Variants in AGBL1 observed in about 807,000 individuals in gnomAD.
The protein encoded by AGBL1 is AGBL carboxypeptidase 1.
AGBL1 carries 130 observed loss-of-function variants against 118.9 expected under a neutral mutation model. That is an observed-to-expected ratio of 1.09 (90% CI 0.95 to 1.26). AGBL1 has a LOEUF of 1.26. AGBL1 is among the 50% of genes most tolerant of loss of function. The pLI is 0.00. For missense variants in AGBL1, 1,584 were observed against 1,298.1 expected, an observed-to-expected ratio of 1.22 and a Z score of -3.38; for synonymous variants, 555 against 478.9, an observed-to-expected ratio of 1.16 and a Z score of -2.08.
In AGBL1 at chr15:86,301,753, G is replaced by A. The variant is rs571144655; in HGVS notation, c.2374+6345G>A. ...TAACAGGGGTGAAACTAAGTTCAGC[G>A]GAAGCACAGAGAAGAGAGGATGTAT... On this transcript the variant is annotated intron_variant, in intron 17 of 22. Coordinates refer to ENST00000614907, the MANE Select transcript of AGBL1 (RefSeq NM_001386094.1). Among the ~76,000 whole-genome samples the A allele has an allele frequency of 1.5e-4, 23 of 150,574 alleles. No homozygotes were observed. In the South Asian group the frequency reaches 3.0e-3, roughly 19 times the overall value.
intron 1 of AGBL1, among the ~76,000 whole-genome samples, chr15:86,089,143 A>G (rs1413696291): frequency 6.6e-6 from 1 of 152,238 alleles, no homozygotes; most frequent in African/African-American, 2.4e-5. Context: ...GATCCATGGA[A>G]CACATTTGGC....
At chr15:86,559,788 C>T (rs1454369258) in intron 21 of AGBL1, among the ~76,000 whole-genome samples, 1 of 151,942 alleles carries the variant, frequency 6.6e-6, no homozygotes, top group East Asian at 1.9e-4. Flanking sequence ...GGATTTGAAG[C>T]CAGACAGATA....
intron 5 of AGBL1, among the ~76,000 whole-genome samples, chr15:86,219,197 G>A (rs1420732931): frequency 2.6e-5 from 4 of 152,092 alleles, no homozygotes; most frequent in Admixed American, 2.6e-4. Context: ...CTCACTGCCT[G>A]CAAACACATA....
At chr15:86,174,118 C>A (rs2077451256) in intron 5 of AGBL1, among the ~76,000 whole-genome samples, 2 of 151,928 alleles carry the variant, frequency 1.3e-5, no homozygotes, top group South Asian at 4.1e-4. Flanking sequence ...GTGTCCTTTT[C>A]AATTTCTTCA....
chr15:86,922,547 C>T (rs2080491608), intron 23 of AGBL1, among the ~76,000 whole-genome samples: 1 of 152,168 alleles, frequency 6.6e-6, no homozygotes, highest in South Asian at 2.1e-4. Context: ...CTGCCTTGGC[C>T]TCCCAAAATG....
At chr15:86,180,471 A>G (rs977316609) in intron 5 of AGBL1, among the ~76,000 whole-genome samples, 4 of 152,150 alleles carry the variant, frequency 2.6e-5, no homozygotes, top group Non-Finnish European at 2.9e-5. Flanking sequence ...CTGGATATTC[A>G]TGTGCAAATG....
intron 23 of AGBL1, among the ~76,000 whole-genome samples, chr15:86,926,955 A>G (rs955965493): frequency 1.3e-5 from 2 of 152,020 alleles, no homozygotes; most frequent in Non-Finnish European, 2.9e-5. Flanking sequence ...TCTGGCCAAC[A>G]TAGTGTAACC....
At chr15:86,409,581 A>G (rs2081582076) in intron 18 of AGBL1, among the ~76,000 whole-genome samples, 1 of 152,236 alleles carries the variant, frequency 6.6e-6, no homozygotes, top group South Asian at 2.1e-4. Flanking sequence ...TAGAGTTATT[A>G]ATTATATCAG....
intron 16 of AGBL1, among the ~76,000 whole-genome samples, chr15:86,285,683 A>C (rs1425014224): frequency 5.3e-5 from 8 of 152,190 alleles, no homozygotes; most frequent in African/African-American, 7.2e-5. Context: ...GAATGGACTA[A>C]TACAGTGAGC....
intron 18 of AGBL1, among the ~76,000 whole-genome samples, chr15:86,405,866 G>C (rs1463765026): frequency 6.6e-6 from 1 of 152,080 alleles, no homozygotes; most frequent in African/African-American, 2.4e-5. Context: ...TGTAGAGGCA[G>C]CTACCACCTG....
intron 1 of AGBL1, among the ~76,000 whole-genome samples, chr15:86,121,231 A>G (rs951751010): frequency 6.6e-6 from 1 of 152,136 alleles, no homozygotes; most frequent in African/African-American, 2.4e-5. Context: ...GAAAGGGTCT[A>G]TGGTCATTTT....
chr15:86,571,899 C>A (rs186909496), intron 21 of AGBL1, among the ~76,000 whole-genome samples: 1 of 152,164 alleles, frequency 6.6e-6, no homozygotes, highest in African/African-American at 2.4e-5. Flanking sequence ...TGCCTCCTGC[C>A]GCTGTTCTCC....
At chr15:86,621,136 C>G (rs1339162425) in intron 21 of AGBL1, among the ~76,000 whole-genome samples, 1 of 152,182 alleles carries the variant, frequency 6.6e-6, no homozygotes, top group African/African-American at 2.4e-5. Context: ...AAGGTAACAA[C>G]TGTGCTTGCA....
intron 18 of AGBL1, among the ~76,000 whole-genome samples, chr15:86,464,450 G>T (rs1159357906): frequency 2.0e-5 from 3 of 152,104 alleles, no homozygotes; most frequent in Non-Finnish European, 4.4e-5. Flanking sequence ...TTGCCTGATT[G>T]CACTGGCCAG....
At chr15:86,380,060 C>A (rs1436092061) in intron 17 of AGBL1, among the ~76,000 whole-genome samples, 1 of 152,152 alleles carries the variant, frequency 6.6e-6, no homozygotes. Flanking sequence ...TAAACCAAGG[C>A]ACTAGAGGGA....
intron 24 of AGBL1, among the ~76,000 whole-genome samples, chr15:87,004,785 G>A (rs1258121511): frequency 2.0e-5 from 3 of 152,094 alleles, no homozygotes; most frequent in Non-Finnish European, 1.5e-5. Flanking sequence ...TCCTAGCATT[G>A]ATGGTCTTTC....
chr15:86,419,676 C>T (rs1234040173), intron 18 of AGBL1, among the ~76,000 whole-genome samples: 1 of 152,066 alleles, frequency 6.6e-6, no homozygotes, highest in Non-Finnish European at 1.5e-5. Flanking sequence ...CTCAGTGGAT[C>T]CCACTCCCAT....
At chr15:86,208,107 T>C (rs1036920907) in intron 5 of AGBL1, among the ~76,000 whole-genome samples, 4 of 152,214 alleles carry the variant, frequency 2.6e-5, no homozygotes, top group Non-Finnish European at 5.9e-5. Context: ...GTTCTGTTTA[T>C]GTGATGGATT....
At chr15:86,643,054 G>T (rs558020010) in intron 21 of AGBL1, among the ~76,000 whole-genome samples, 1 of 152,194 alleles carries the variant, frequency 6.6e-6, no homozygotes, top group African/African-American at 2.4e-5. Flanking sequence ...GACTTCTGGG[G>T]TGGCAAACTT....
Sources: allele counts gnomAD v4.1 joint callset (sites outside exome capture counted in the v4.1 genomes callset), GRCh38; gene constraint gnomAD v4.1.1; transcripts MANE v1.5; gene names NCBI Gene and HGNC (gene_info 2026-07-23, HGNC 2026-07-21).